Variants in ADH1A observed in about 807,000 individuals in gnomAD.
The protein encoded by ADH1A is alcohol dehydrogenase 1A (class I), alpha polypeptide, also known as alcohol dehydrogenase 1A.
ADH1A carries 29 observed loss-of-function variants against 35.2 expected under a neutral mutation model. The observed-to-expected ratio is 0.82, with a 90% CI of 0.61 to 1.12. ADH1A has a LOEUF of 1.12. Among genes scored for constraint, ADH1A ranks in the 50% most tolerant of loss-of-function variants. ADH1A has a pLI of 0.00. For synonymous variants in ADH1A, 147 were observed against 164.8 expected (o/e 0.89, Z 0.83); for missense variants, 469 against 464.7 (o/e 1.01, Z -0.09).
chr4:99,284,235 G>A (rs1021538519), intron 5 of ADH1A, among the ~76,000 whole-genome samples, 164 bp downstream of exon 5: 2 of 152,194 alleles, frequency 1.3e-5, no homozygotes, highest in African/African-American at 2.4e-5. Flanking sequence ...ATAAACAGGT[G>A]AAACTTCTAG....
intron 1 of ADH1A, among the ~76,000 whole-genome samples, chr4:99,289,439 G>A (rs1733238971): frequency 6.6e-6 from 1 of 152,112 alleles, no homozygotes; most frequent in Non-Finnish European, 1.5e-5. Flanking sequence ...GATGAATCTA[G>A]CCTTATGTTT....
At chr4:99,285,531 G>T (rs1362770400) in intron 3 of ADH1A, among the ~76,000 whole-genome samples, 3 of 151,772 alleles carry the variant, frequency 2.0e-5, no homozygotes, top group Non-Finnish European at 4.4e-5. Flanking sequence ...GTGTCATTTT[G>T]TTATTAACTT....
At chr4:99,289,429 G>C (rs1733238566) in intron 1 of ADH1A, among the ~76,000 whole-genome samples, 1 of 152,138 alleles carries the variant, frequency 6.6e-6, no homozygotes, top group Admixed American at 6.6e-5. Context: ...AGAGAATAAA[G>C]ATGAATCTAG....
chr4:99,283,287 A>G (rs1329582220), intron 5 of ADH1A, among the ~76,000 whole-genome samples: 1 of 152,244 alleles, frequency 6.6e-6, no homozygotes, highest in Non-Finnish European at 1.5e-5. Flanking sequence ...CTGTTAAAAT[A>G]GACGAGGCAA....
intron 3 of ADH1A, among the ~76,000 whole-genome samples, chr4:99,286,053 A>G (rs1250507902): frequency 6.9e-6 from 1 of 145,044 alleles, no homozygotes; most frequent in East Asian, 2.0e-4. Context: ...TGATTTTTTT[A>G]GAATTAAACA....
intron 1 of ADH1A, among the ~76,000 whole-genome samples, chr4:99,289,191 A>AC (rs1231652401): frequency 6.6e-6 from 1 of 152,124 alleles, no homozygotes; most frequent in Admixed American, 6.5e-5. Context: ...GTATATGCAC[A>AC]CCATATTTTC....
At chr4:99,282,746 T>A in intron 5 of ADH1A, 140 bp from the exon 6 acceptor site, 1 of 1,373,962 alleles carries the variant, frequency 7.3e-7, no homozygotes, top group African/African-American at 1.5e-5. Context: ...TATTTTTAAA[T>A]TCATGGAGTT....
chr4:99,282,340 A>G lies in ADH1A; in HGVS notation c.828+6T>C. ...CAGAAATCTCAGGGCATGTCATGGT[A>G]CATACCATGGTGTCAAGCCGACCGA... On this transcript the variant is annotated splice_donor_region_variant and intron_variant, in intron 6 of 8. Coordinates refer to ENST00000209668, the MANE Select transcript of ADH1A (RefSeq NM_000667.4). 6.2e-7 allele frequency: 1 copy of G among 1,614,180 alleles called. No individual in the cohort carries two copies. Among genetic ancestry groups the G allele is most frequent in the South Asian group, 1.1e-5 (1 of 91,086 alleles).
At chr4:99,277,491 A>C (rs189128913) in intron 8 of ADH1A, among the ~76,000 whole-genome samples, 40 of 152,172 alleles carry the variant, frequency 2.6e-4, no homozygotes, top group African/African-American at 9.4e-4. Flanking sequence ...ATATATAAGA[A>C]AAATATATGC....
intron 1 of ADH1A, among the ~76,000 whole-genome samples, chr4:99,289,658 A>T (rs1485319039): frequency 6.6e-6 from 1 of 152,204 alleles, no homozygotes; most frequent in Non-Finnish European, 1.5e-5. Flanking sequence ...ATAATGCAGG[A>T]TGTATAAACA....
At chr4:99,283,161 T>TA (rs995630770) in intron 5 of ADH1A, among the ~76,000 whole-genome samples, 4 of 152,322 alleles carry the variant, frequency 2.6e-5, no homozygotes, top group Admixed American at 2.6e-4. Context: ...ATCCCTGCTT[T>TA]AAAAAATACA....
chr4:99,285,702 G>A (rs1447440598), intron 3 of ADH1A, among the ~76,000 whole-genome samples: 1 of 152,076 alleles, frequency 6.6e-6, no homozygotes, highest in Non-Finnish European at 1.5e-5. Flanking sequence ...TCTGTTCACA[G>A]TTCAAATAAG....
At chr4:99,282,714 C>G in intron 5 of ADH1A, 108 bp from the exon 6 acceptor site, 3 of 1,497,934 alleles carry the variant, frequency 2.0e-6, no homozygotes, top group Middle Eastern at 3.6e-4. Context: ...GTTATCAAAA[C>G]CTCTTTTGGC....
chr4:99,282,775 T>G (rs1433179662), intron 5 of ADH1A, among the ~76,000 whole-genome samples, 169 bp from the exon 6 acceptor site: 1 of 152,246 alleles, frequency 6.6e-6, no homozygotes, highest in Non-Finnish European at 1.5e-5. Context: ...TGAGTGGTTC[T>G]CAAACTGCTG....
At position 99,279,546 on chromosome 4, in the gene ADH1A, C is replaced by T. The variant is rs1732946367; in HGVS notation, c.983G>A (p.Cys328Tyr). Residue 328 changes from cysteine (C) to tyrosine (Y), a missense_variant, in exon 8 of 9, where the codon TGT becomes TAT. By Grantham distance (194) the Cys-to-Tyr change is radical. Coordinates refer to ENST00000209668, the MANE Select transcript of ADH1A (RefSeq NM_000667.4). Reference protein sequence around the residue: ...AILGGFKSKECVPKLVADFMA... With the variant: ...AILGGFKSKEYVPKLVADFMA... ...AAAATCAGCCACAAGTTTTGGGACACATTCTTTACTTTTAAAGCCTGAAAA... is the reference window on the plus strand; with the variant it reads ...AAAATCAGCCACAAGTTTTGGGACATATTCTTTACTTTTAAAGCCTGAAAA... 6.2e-7 allele frequency: 1 copy of T among 1,610,290 alleles called. No individual in the cohort carries two copies. The highest frequency in any genetic ancestry group is 8.5e-7 in the Non-Finnish European group (1 of 1,178,774).
At chr4:99,278,800 G>A (rs1385866528) in intron 8 of ADH1A, among the ~76,000 whole-genome samples, 1 of 152,004 alleles carries the variant, frequency 6.6e-6, no homozygotes, top group Admixed American at 6.6e-5. Context: ...TTAGAGACAG[G>A]AAATAGAATT....
chr4:99,280,271 G>A lies in ADH1A; in HGVS notation c.837C>T (p.Ser279=). 6.2e-7 allele frequency: 1 copy of A among 1,613,350 alleles called. No homozygotes were observed. The highest frequency in any genetic ancestry group is 8.5e-7 in the Non-Finnish European group (1 of 1,179,788). The change falls in exon 7 of 9, where the codon TCC becomes TCT. Residue 279 remains serine (S), a synonymous_variant. Transcript: ENST00000209668. ...VIGRLDTMMA[S]LLCCHEACGT... is the part of the protein sequence containing the mutation. ...CACATGCCTCATGACAACATAACAG[G>A]GAAGCCATCTGGAATAAAGTGAACA... is the stretch of plus-strand genomic sequence containing the variant.
chr4:99,286,939 G>T lies in ADH1A; in HGVS notation c.170C>A (p.Thr57Asn), dbSNP rs779096083. ...CGTDDHVVSG[T>N]MVTPLPVILG... ...AATCACAGGAAGTGGGGTCACCATG[G>T]TACCACTAACCACGTGGTCATCTGT... Residue 57 changes from threonine (T) to asparagine (N), a missense_variant, in exon 3 of 9, where the codon ACC becomes AAC. Physicochemically the swap from Thr to Asn is moderately conservative, Grantham distance 65. Transcript: ENST00000209668. 2.5e-6 allele frequency: 4 copies of T among 1,614,146 alleles called. No homozygotes were observed. Among genetic ancestry groups the T allele is most frequent in the East Asian group, 2.2e-5 (1 of 44,874 alleles).
chr4:99,285,490 A>G (rs1275046510), intron 3 of ADH1A, among the ~76,000 whole-genome samples: 1 of 152,196 alleles, frequency 6.6e-6, no homozygotes, highest in African/African-American at 2.4e-5. Context: ...TTTTCCTGTT[A>G]CAGTGGAGGG....
Sources: gnomAD v4.1 joint callset for allele counts (sites outside exome capture counted in the v4.1 genomes callset) on GRCh38, gnomAD v4.1.1 for gene constraint, MANE v1.5 for transcripts, NCBI Gene and HGNC (gene_info 2026-07-23, HGNC 2026-07-21) for gene names.